CACNA1B: variants seen among roughly 807,000 people sequenced by gnomAD.
CACNA1B encodes the protein calcium voltage-gated channel subunit alpha1 B, also known as voltage-dependent N-type calcium channel subunit alpha-1B.
Under a neutral mutation model 247.2 loss-of-function variants are expected in CACNA1B, and 70 were observed. The ratio of observed to expected loss-of-function variants is 0.28; its 90% CI spans 0.23 to 0.35. CACNA1B has a LOEUF of 0.35. CACNA1B is among the 10% of genes least tolerant of loss of function. The pLI is 1.00. For missense variants in CACNA1B, 2,367 were observed against 3,197.4 expected (o/e 0.74, Z 6.26); for synonymous variants, 1,231 against 1,294.4 (o/e 0.95, Z 1.05).
chr9:138,041,035 A>G lies in CACNA1B; in HGVS notation c.3287-2739A>G, dbSNP rs117818733. Among the ~76,000 whole-genome samples, 413 of 152,332 alleles carry G rather than the reference A, an allele frequency of 2.7e-3. 1 individual carries two copies. The highest frequency in any genetic ancestry group is 4.5e-3 in the Non-Finnish European group (309 of 68,018). On this transcript the variant is annotated intron_variant, in intron 20 of 46. Transcript: ENST00000371372. ...CCTTTCTCTTGGGATATCTTTAGAT[A>G]TCTTGGGAAACAATAGCTTAAATTA...
intron 3 of CACNA1B, among the ~76,000 whole-genome samples, chr9:137,883,310 G>T (rs1241112890): frequency 2.0e-5 from 3 of 151,770 alleles, no homozygotes; most frequent in Admixed American, 1.3e-4. Flanking sequence ...TTTGAATTCT[G>T]TGCCTGCCTG....
chr9:137,993,339 C>CTAGATTAAATTTTCGTCTAGA (rs1958456116), intron 15 of CACNA1B, among the ~76,000 whole-genome samples: 2 of 82,308 alleles, frequency 2.4e-5, no homozygotes, highest in African/African-American at 2.2e-4. Flanking sequence ...TTTTGTCTAT[C>CTAGATTAAATTTTCGTCTAGA]TAGATTAAAT....
intron 39 of CACNA1B, among the ~76,000 whole-genome samples, chr9:138,112,182 GCCT>G (rs945124704): frequency 6.6e-6 from 1 of 152,158 alleles, no homozygotes; most frequent in Non-Finnish European, 1.5e-5. Flanking sequence ...CTGCTCACCT[GCCT>G]CCTCCTCTGG....
At chr9:138,064,295 G>A (rs1959838045) in intron 31 of CACNA1B, among the ~76,000 whole-genome samples, 1 of 152,154 alleles carries the variant, frequency 6.6e-6, no homozygotes, top group Non-Finnish European at 1.5e-5. Context: ...AAACGAGCCC[G>A]ATCTCCTTGG....
At chr9:138,001,553 A>G (rs1325039707) in intron 15 of CACNA1B, among the ~76,000 whole-genome samples, 1 of 152,168 alleles carries the variant, frequency 6.6e-6, no homozygotes, top group African/African-American at 2.4e-5. Context: ...AAGGATGCCT[A>G]CTATTCAAGC....
intron 15 of CACNA1B, among the ~76,000 whole-genome samples, chr9:138,002,756 A>T (rs1290205618): frequency 2.0e-5 from 3 of 151,910 alleles, no homozygotes; most frequent in Non-Finnish European, 2.9e-5. Context: ...ATGATCTTGG[A>T]TGGAGAGAAA....
intron 31 of CACNA1B, 44 bp from the exon 32 acceptor site, chr9:138,069,713 TG>T (rs1446864530): frequency 6.5e-7 from 1 of 1,548,958 alleles, no homozygotes. Flanking sequence ...CTCCCCAATT[TG>T]TAAATAATAT....
At chr9:138,043,166 G>A (rs1168150444) in intron 20 of CACNA1B, among the ~76,000 whole-genome samples, 2 of 152,322 alleles carry the variant, frequency 1.3e-5, no homozygotes, top group East Asian at 3.9e-4. Context: ...GTGGGGTGCT[G>A]AGCGGTAGAG....
intron 6 of CACNA1B, among the ~76,000 whole-genome samples, chr9:137,935,691 A>G (rs1288820928): frequency 3.3e-5 from 5 of 152,156 alleles, no homozygotes; most frequent in Non-Finnish European, 5.9e-5. Flanking sequence ...GTCTTCCACA[A>G]TGGTTGAACT....
In CACNA1B at chr9:137,917,409, G is replaced by A; in HGVS notation, c.944G>A (p.Gly315Asp). Residue 315 changes from glycine to aspartate, a missense_variant, in exon 6 of 47, where the codon GGC (glycine) becomes GAC (aspartate). Transcript: ENST00000371372. This position sits in a 1 kb window ranked among gnomAD's most constrained non-coding sequence, Gnocchi z 5.5. Reference sequence around the variant, plus strand: ...GTGTTCCAGTGCATCACCATGGAGGGCTGGACTGACATCCTCTATAATGTG... The same window carrying A: ...GTGTTCCAGTGCATCACCATGGAGGACTGGACTGACATCCTCTATAATGTG... ...LTVFQCITME[G>D]WTDILYNTND... The A allele has an allele frequency of 6.2e-7, 1 of 1,613,860 alleles. No homozygotes were observed. Among genetic ancestry groups the A allele is most frequent in the Non-Finnish European group, 8.5e-7 (1 of 1,179,776 alleles).
chr9:138,028,910 T>TGAA (rs1958953954), intron 20 of CACNA1B, among the ~76,000 whole-genome samples: 1 of 152,182 alleles, frequency 6.6e-6, no homozygotes, highest in Non-Finnish European at 1.5e-5. Flanking sequence ...GGGACCTCTA[T>TGAA]TCAGCATATG....
rs778462993 is a variant in CACNA1B, at chr9:138,057,723, C to T, written c.3969-9C>T. On this transcript the variant is annotated splice_polypyrimidine_tract_variant and intron_variant, in intron 26 of 46. Transcript: ENST00000371372. The surrounding 1 kb of genome is among the most constrained non-coding windows in gnomAD (Gnocchi z 4.0). ...TTTGCCCTCTAACCTCCCATGTTCT[C>T]ATTCCTAGGGGTCAGTATTTGGATT... 9 of 1,601,092 alleles carry T rather than the reference C, an allele frequency of 5.6e-6. No individual in the cohort carries two copies. Among genetic ancestry groups the T allele is most frequent in the Non-Finnish European group, 6.8e-6 (8 of 1,169,622 alleles).
intron 11 of CACNA1B, among the ~76,000 whole-genome samples, chr9:137,972,682 G>T (rs920020185): frequency 6.6e-6 from 1 of 152,192 alleles, no homozygotes; most frequent in East Asian, 1.9e-4. Flanking sequence ...TGGGGCTGCA[G>T]GTCACCTGGA....
At chr9:138,117,857 A>T (rs1961925619) in intron 42 of CACNA1B, 89 bp from the exon 43 acceptor site, 1 of 1,028,456 alleles carries the variant, frequency 9.7e-7, no homozygotes, top group Non-Finnish European at 1.4e-6. Flanking sequence ...CATGTGTTGG[A>T]GACGCCTGGC....
chr9:137,890,642 C>G (rs1379642946), intron 3 of CACNA1B: 1 of 150,534 alleles, frequency 6.6e-6, no homozygotes, highest in Non-Finnish European at 1.5e-5. Context: ...ATGGGCGGTT[C>G]TGCAGGTGTG....
intron 1 of CACNA1B, among the ~76,000 whole-genome samples, chr9:137,878,584 TGCGGGCTGA>T (rs1956869811): frequency 6.6e-6 from 1 of 152,220 alleles, no homozygotes; most frequent in African/African-American, 2.4e-5. Flanking sequence ...TGCCTGCGTG[TGCGGGCTGA>T]GCTGGAGCCT....
In CACNA1B at chr9:138,110,861, C is replaced by A. The variant is rs114065454; in HGVS notation, c.5429-1537C>A. 7.4e-3 allele frequency among the ~76,000 whole-genome samples: 1,129 copies of A among 152,140 alleles called. 19 individuals carry two copies. Among genetic ancestry groups the A allele is most frequent in the African/African-American group, 0.026 (1,069 of 41,494 alleles). On this transcript the variant is annotated intron_variant, in intron 39 of 46. Coordinates refer to ENST00000371372, the MANE Select transcript of CACNA1B (RefSeq NM_000718.4). ...CTGTCACAACTCCCTAAGAAAATAA[C>A]CCAACCAAAACAGACAAAAGATTTG...
At chr9:138,053,733 CA>C in intron 25 of CACNA1B, 112 bp from the exon 26 acceptor site, 1 of 711,706 alleles carries the variant, frequency 1.4e-6, no homozygotes, top group Admixed American at 1.9e-5. Context: ...ACCTTGGCTT[CA>C]CCCCCTCATC....
intron 39 of CACNA1B, among the ~76,000 whole-genome samples, chr9:138,108,738 T>C (rs991310928): frequency 6.6e-6 from 1 of 152,132 alleles, no homozygotes; most frequent in Non-Finnish European, 1.5e-5. Flanking sequence ...AAGCTCTGCC[T>C]CCTGGGTTCA....
Sources: gnomAD v4.1 joint callset for allele counts (sites outside exome capture counted in the v4.1 genomes callset) on GRCh38, gnomAD v4.1.1 for gene constraint, Gnocchi (gnomAD v3.1) non-coding constraint, MANE v1.5 for transcripts, NCBI Gene and HGNC (gene_info 2026-07-23, HGNC 2026-07-21) for gene names.